GIMAP2: variants seen among roughly 807,000 people sequenced by gnomAD.
GIMAP2 encodes the protein GTPase IMAP family member 2.
In GIMAP2, 22 loss-of-function variants were observed where a neutral mutation model predicts 25.5. The ratio of observed to expected loss-of-function variants is 0.86; its 90% CI spans 0.62 to 1.23. The LOEUF (loss-of-function observed/expected upper bound fraction) is 1.23, where lower values mean the gene tolerates loss of function less well. GIMAP2 is among the 50% of genes most tolerant of loss of function. The pLI is 0.00. For missense variants in GIMAP2, 422 were observed against 395.7 expected (o/e 1.07, Z -0.56); for synonymous variants, 167 against 143.0 (o/e 1.17, Z -1.20).
chr7:150,688,516 A>G (rs1796928708), intron 2 of GIMAP2, among the ~76,000 whole-genome samples: 2 of 152,182 alleles, frequency 1.3e-5, no homozygotes, highest in African/African-American at 4.8e-5. Context: ...AGTCACTATG[A>G]CACATGTATC....
At chr7:150,689,468 C>T (rs781513464) in intron 2 of GIMAP2, 2 of 701,948 alleles carry the variant, frequency 2.8e-6, no homozygotes, top group African/African-American at 1.7e-5. Flanking sequence ...TCAATGACTC[C>T]CTTCATTTCT....
chr7:150,693,477 A>G lies in GIMAP2; in HGVS notation c.*177A>G, dbSNP rs922698586. On this transcript the variant is annotated 3_prime_UTR_variant, in exon 3 of 3. Coordinates refer to ENST00000223293, the MANE Select transcript of GIMAP2 (RefSeq NM_015660.3). Reference sequence around the variant, plus strand: ...GATAAGTTACTGTTTGCATTGAAATATAATATCAAAGCCTTTTGAAATCTG... The same window carrying G: ...GATAAGTTACTGTTTGCATTGAAATGTAATATCAAAGCCTTTTGAAATCTG... The G allele has an allele frequency of 1.2e-5, 6 of 502,048 alleles. No individual in the cohort carries two copies. Among genetic ancestry groups the G allele is most frequent in the African/African-American group, 5.9e-5 (3 of 50,568 alleles). 31.1% of individuals were successfully genotyped at this position (502,048 alleles called of 1,614,324 possible).
At chr7:150,690,643 G>A (rs986342535) in intron 2 of GIMAP2, among the ~76,000 whole-genome samples, 1 of 152,174 alleles carries the variant, frequency 6.6e-6, no homozygotes, top group African/African-American at 2.4e-5. Flanking sequence ...CTATAAGGAG[G>A]TTGCTATAAA....
rs1796977844 is a variant in GIMAP2, at chr7:150,692,463, G to A, written c.177G>A (p.Lys59=). Reference sequence around the variant, plus strand: ...AGCTGGGTTCCCAGACCTTGACTAAGACTTGCAGCAAAAGTCAGGGAAGCT... The same window carrying A: ...AGCTGGGTTCCCAGACCTTGACTAAAACTTGCAGCAAAAGTCAGGGAAGCT... The part of the protein sequence containing the change: ...ESKLGSQTLT[K]TCSKSQGSWG... Residue 59 remains lysine, a synonymous_variant, in exon 3 of 3, where the codon AAG becomes AAA. Coordinates refer to ENST00000223293, the MANE Select transcript of GIMAP2 (RefSeq NM_015660.3). The A allele has an allele frequency of 6.2e-7, 1 of 1,614,102 alleles. No individual in the cohort carries two copies. Among genetic ancestry groups the A allele is most frequent in the Non-Finnish European group, 8.5e-7 (1 of 1,180,040 alleles).
intron 2 of GIMAP2, among the ~76,000 whole-genome samples, chr7:150,688,774 C>G (rs950801256): frequency 2.0e-5 from 3 of 152,192 alleles, no homozygotes; most frequent in African/African-American, 7.2e-5. Context: ...CTAGTCCTCA[C>G]CGCCATCCCA....
intron 2 of GIMAP2, chr7:150,687,421 C>G (rs1563354055): frequency 4.3e-6 from 1 of 233,328 alleles, no homozygotes; most frequent in Non-Finnish European, 8.3e-6. Flanking sequence ...TAAAGGCACA[C>G]ACCACCACGC....
At chr7:150,687,293 G>T in intron 2 of GIMAP2, 1 of 350,932 alleles carries the variant, frequency 2.8e-6, no homozygotes, top group Non-Finnish European at 5.0e-6. Flanking sequence ...TTTGTTTTGA[G>T]ACAGTGTCTC....
intron 2 of GIMAP2, among the ~76,000 whole-genome samples, chr7:150,692,012 G>A (rs1796970201): frequency 1.3e-5 from 2 of 151,492 alleles, no homozygotes; most frequent in South Asian, 2.1e-4. Flanking sequence ...GGCGGATCAC[G>A]ATGTCAGGAG....
chr7:150,692,525 A>T lies in GIMAP2; in HGVS notation c.239A>T (p.Asp80Val). 2 of 1,614,104 alleles carry T rather than the reference A, an allele frequency of 1.2e-6. No homozygotes were observed. Among genetic ancestry groups the T allele is most frequent in the Non-Finnish European group, 1.7e-6 (2 of 1,179,974 alleles). ...GAGATTGTCATTATTGACACACCAG[A>T]TATGTTTTCTTGGAAGGACCACTGT... ...NREIVIIDTP[D>V]MFSWKDHCEA... is the part of the protein sequence containing the mutation. The change falls in exon 3 of 3, where the codon GAT (aspartate) becomes GTT (valine). Residue 80 changes from aspartate (D) to valine (V), a missense_variant. Physicochemically the swap from Asp to Val is radical, Grantham distance 152. Transcript: ENST00000223293.
chr7:150,686,960 A>AAAAAAAAAGAAAG (rs1554513770), intron 1 of GIMAP2, 92 bp from the exon 2 acceptor site: 1 of 378,044 alleles, frequency 2.6e-6, no homozygotes, highest in African/African-American at 3.1e-5. Flanking sequence ...AAAAAAAAAA[A>AAAAAAAAAGAAAG]AAAGAAAGAA....
At chr7:150,689,949 A>T (rs1275674059) in intron 2 of GIMAP2, among the ~76,000 whole-genome samples, 3 of 151,696 alleles carry the variant, frequency 2.0e-5, no homozygotes, top group Non-Finnish European at 4.4e-5. Flanking sequence ...TGAGAATTTA[A>T]TCTTTGGTTA....
chr7:150,690,854 C>T (rs79004290), intron 2 of GIMAP2, among the ~76,000 whole-genome samples: 12,270 of 152,260 alleles, frequency 0.081, 559 homozygotes, highest in Non-Finnish European at 0.1. Context: ...AATCCAGCTC[C>T]AGATTCTTTT....
Position 150,692,559 on chromosome 7 carries a change from G to A in GIMAP2, c.273G>A (p.Leu91=), listed in dbSNP as rs1179780993. The change falls in exon 3 of 3, where the codon CTG becomes CTA. Residue 91 remains leucine (L), a synonymous_variant. Coordinates refer to ENST00000223293, the MANE Select transcript of GIMAP2 (RefSeq NM_015660.3). Reference sequence around the variant, plus strand: ...CTTGGAAGGACCACTGTGAAGCTCTGTACAAAGAGGTGCAGAGGTGCTACT... The same window carrying A: ...CTTGGAAGGACCACTGTGAAGCTCTATACAAAGAGGTGCAGAGGTGCTACT... The part of the protein sequence containing the change: ...MFSWKDHCEA[L]YKEVQRCYLL... The A allele has an allele frequency of 1.2e-6, 2 of 1,614,178 alleles. No individual in the cohort carries two copies. Among genetic ancestry groups the A allele is most frequent in the East Asian group, 4.5e-5 (2 of 44,876 alleles).
rs918259414 is a variant in GIMAP2, at chr7:150,689,429, C to T, written c.28+2342C>T. ...AATGAGGTAGCACTCCCTAGGAGGC[C>T]AGCAACTCAGGACTCCCACCGCTTC... is the stretch of plus-strand genomic sequence containing the variant. On this transcript the variant is annotated intron_variant, in intron 2 of 2. Transcript: ENST00000223293. The T allele has an allele frequency of 5.8e-6, 4 of 691,278 alleles. No homozygotes were observed. In the African/African-American group the frequency reaches 7.0e-5, roughly 12 times the overall value. The allele number at this position is 691,278 out of a possible 1,614,324, so 42.8% of individuals were successfully genotyped here.
Position 150,692,798 on chromosome 7 carries a change from T to A in GIMAP2, c.512T>A (p.Leu171Gln). Residue 171 changes from leucine (L) to glutamine (Q), a missense_variant, in exon 3 of 3, where the codon CTG becomes CAG. Coordinates refer to ENST00000223293, the MANE Select transcript of GIMAP2 (RefSeq NM_015660.3). ...TCAGATAACAAAGCCCTAAGCAAGC[T>A]GGTGGCAGCATGTGGTGGGCGAATC... ...HDSDNKALSK[L>Q]VAACGGRICA... 6.2e-7 allele frequency: 1 copy of A among 1,614,210 alleles called. No homozygotes were observed. Among genetic ancestry groups the A allele is most frequent in the South Asian group, 1.1e-5 (1 of 91,086 alleles).
intron 2 of GIMAP2, among the ~76,000 whole-genome samples, chr7:150,687,856 G>GT (rs1796921689): frequency 6.6e-6 from 1 of 151,108 alleles, no homozygotes; most frequent in Non-Finnish European, 1.5e-5. Context: ...CTCTCTCTCT[G>GT]TATCTTGACC....
chr7:150,689,659 T>C (rs1796944062), intron 2 of GIMAP2: 1 of 634,946 alleles, frequency 1.6e-6, no homozygotes, highest in African/African-American at 1.8e-5. Flanking sequence ...ATAATTTCAC[T>C]GGCCTACAGA....
chr7:150,691,395 C>T (rs1208675040), intron 2 of GIMAP2, among the ~76,000 whole-genome samples: 2 of 152,188 alleles, frequency 1.3e-5, no homozygotes, highest in South Asian at 4.1e-4. Flanking sequence ...CTCCCCAGAA[C>T]CTTACCCACG....
At chr7:150,687,735 G>GTGTC (rs745385137) in intron 2 of GIMAP2, among the ~76,000 whole-genome samples, 1,614 of 151,774 alleles carry the variant, frequency 0.011, 11 homozygotes, top group Non-Finnish European at 0.016. Flanking sequence ...GTGTGTGTGT[G>GTGTC]TCTCTCTCTC....
Sources: allele counts gnomAD v4.1 joint callset (sites outside exome capture counted in the v4.1 genomes callset), GRCh38; gene constraint gnomAD v4.1.1; transcripts MANE v1.5; gene names NCBI Gene and HGNC (gene_info 2026-07-23, HGNC 2026-07-21).